Variants in TBC1D31 observed in about 807,000 individuals in gnomAD.
TBC1D31 encodes the protein WD repeat domain 67.
In TBC1D31, 99 loss-of-function variants were observed where a neutral mutation model predicts 132.9. The ratio of observed to expected loss-of-function variants is 0.74; its 90% CI spans 0.63 to 0.88. The LOEUF (loss-of-function observed/expected upper bound fraction) is 0.88, where lower values mean the gene tolerates loss of function less well. TBC1D31 is among the 40% of genes least tolerant of loss of function. The pLI is 0.00. For missense variants in TBC1D31, 1,134 were observed against 1,256.6 expected, an observed-to-expected ratio of 0.90 and a Z score of 1.48; for synonymous variants, 385 against 419.4, an observed-to-expected ratio of 0.92 and a Z score of 1.00.
rs972287905 is a variant in TBC1D31 at position 123,152,033 on chromosome 8, T to G, written c.*94T>G. 3.3e-6 allele frequency: 4 copies of G among 1,223,908 alleles called. No homozygotes were observed. The African/African-American group carries it at 6.3e-5, about 19-fold the overall frequency. The allele number at this position is 1,223,908 out of a possible 1,614,324, so 75.8% of individuals were successfully genotyped here. A position where few individuals can be genotyped will look rare whatever the true frequency, so the allele number is the denominator to read the frequency against. On this transcript the variant is annotated 3_prime_UTR_variant, in exon 22 of 22. Transcript: ENST00000287380. The stretch of plus-strand genomic sequence containing the variant: ...TATTTATTTAAAATTCCTATAAAGA[T>G]CAGCCCTTTGTACAGAAAAATGTGT...
chr8:123,144,844 C>T lies in TBC1D31; in HGVS notation c.2963C>T (p.Pro988Leu), dbSNP rs371596549. The change falls in exon 20 of 22, where the codon CCA (proline) becomes CTA (leucine). Residue 988 changes from proline (P) to leucine (L), a missense_variant. By Grantham distance (98) the Pro-to-Leu change is moderately conservative (BLOSUM62 -3). Coordinates refer to ENST00000287380, the MANE Select transcript of TBC1D31 (RefSeq NM_145647.4). ...GCGGCTGTAGAACATGCTGAAAATC[C>T]ATGTCATAAAGGTGAGTGTCTGAGA... ...INAAVEHAEN[P>L]CHKEEPRFQN... 5.0e-6 allele frequency: 8 copies of T among 1,612,116 alleles called. No homozygotes were observed. Among genetic ancestry groups the T allele is most frequent in the Non-Finnish European group, 6.8e-6 (8 of 1,179,546 alleles).
At chr8:123,081,631 A>T (rs959543100) in intron 2 of TBC1D31, among the ~76,000 whole-genome samples, 7 of 152,234 alleles carry the variant, frequency 4.6e-5, no homozygotes, top group Non-Finnish European at 5.9e-5. Flanking sequence ...GACATACCCG[A>T]GACTGGGTAA....
intron 5 of TBC1D31, among the ~76,000 whole-genome samples, chr8:123,095,728 G>A (rs1180140550): frequency 6.6e-6 from 1 of 152,158 alleles, no homozygotes; most frequent in Non-Finnish European, 1.5e-5. Flanking sequence ...ATGACAAGAT[G>A]TTCCAAGCTT....
At chr8:123,130,638 T>C (rs13264746) in intron 16 of TBC1D31, among the ~76,000 whole-genome samples, 1 of 151,188 alleles carries the variant, frequency 6.6e-6, no homozygotes, top group Non-Finnish European at 1.5e-5. Flanking sequence ...TTTTTTTTTT[T>C]TGAGACAGAG....
rs759596754 is a variant in TBC1D31, at chr8:123,130,331, A to C, written c.2404A>C (p.Lys802Gln). ...AAGACTGGATGATGAAATTGGGAGA[A>C]AGGTTTATTATTCTTAACTTAGTTC... ...LRRLDDEIGR[K>Q]VYMRDREIAA... The change falls in exon 16 of 22, where the codon AAG (lysine) becomes CAG (glutamine). Residue 802 changes from lysine (K) to glutamine (Q), a missense_variant and splice_region_variant. By Grantham distance (53) the Lys-to-Gln change is moderately conservative. Coordinates refer to ENST00000287380, the MANE Select transcript of TBC1D31 (RefSeq NM_145647.4). 1 of 1,609,738 alleles carries C rather than the reference A, an allele frequency of 6.2e-7. No homozygotes were observed. Among genetic ancestry groups the C allele is most frequent in the Non-Finnish European group, 8.5e-7 (1 of 1,177,980 alleles).
At chr8:123,162,450 G>A in the TBC1D31 span, among the ~76,000 whole-genome samples, 2 of 152,084 alleles carry the variant, frequency 1.3e-5, no homozygotes, top group African/African-American at 4.8e-5. Flanking sequence ...AGCACACCCA[G>A]GCAACCATCC....
At chr8:123,164,729 A>AG in the TBC1D31 span, among the ~76,000 whole-genome samples, 3 of 151,020 alleles carry the variant, frequency 2.0e-5, no homozygotes, top group Non-Finnish European at 4.4e-5. Context: ...CTCAAAAAAA[A>AG]AAAAGAATAA....
intron 10 of TBC1D31, among the ~76,000 whole-genome samples, chr8:123,116,673 C>A (rs543680396): frequency 9.2e-5 from 14 of 151,904 alleles, no homozygotes; most frequent in Non-Finnish European, 1.9e-4. Flanking sequence ...GGGGAAAATA[C>A]AAGATGAACC....
rs989293050 is a variant in TBC1D31, at chr8:123,099,295, ATT to A, written c.832-1507_832-1506del. 4.5e-3 allele frequency among the ~76,000 whole-genome samples: 689 copies of A among 151,450 alleles called. 5 individuals carry two copies. The highest frequency in any genetic ancestry group is 0.016 in the African/African-American group (642 of 41,250). On this transcript the variant is annotated intron_variant, in intron 6 of 21. Transcript: ENST00000287380. ...CCACCACGCCCGGCTAATTTTTTGT[ATT>A]TTTTAGTAGAGACGGGGTTTCACCG...
At chr8:123,089,846 T>C (rs1294869742) in intron 4 of TBC1D31, among the ~76,000 whole-genome samples, 1 of 152,254 alleles carries the variant, frequency 6.6e-6, no homozygotes, top group African/African-American at 2.4e-5. Context: ...AAATCTGAAC[T>C]GAATTGACAT....
intron 4 of TBC1D31, among the ~76,000 whole-genome samples, chr8:123,092,051 G>A (rs953438122): frequency 3.9e-5 from 6 of 152,250 alleles, no homozygotes; most frequent in Admixed American, 6.5e-5. Flanking sequence ...TTTCACTCTT[G>A]TTGCCCAGGC....
intron 16 of TBC1D31, among the ~76,000 whole-genome samples, chr8:123,132,697 T>A (rs1820748194): frequency 6.6e-6 from 1 of 152,022 alleles, no homozygotes; most frequent in Non-Finnish European, 1.5e-5. Context: ...TACAGGCACC[T>A]GGCCTAAGTC....
chr8:123,152,465 C>T (rs938822913), downstream of TBC1D31, among the ~76,000 whole-genome samples: 3 of 152,134 alleles, frequency 2.0e-5, no homozygotes, highest in South Asian at 2.1e-4. Context: ...CTGGCAGCAC[C>T]GACTGCTCTT....
chr8:123,127,018 C>T (rs1250355791), intron 13 of TBC1D31, among the ~76,000 whole-genome samples: 5 of 152,040 alleles, frequency 3.3e-5, no homozygotes, highest in Admixed American at 6.6e-5. Context: ...GGATTATAGG[C>T]GTGAGCCACA....
In TBC1D31 at chr8:123,109,211, T is replaced by C. The variant is rs191573768; in HGVS notation, c.1210-106T>C. ...TATGATACACAAATATGTCTTACTA[T>C]GTGTTGTTTTCTAAAGTTGGGAAGT... On this transcript the variant is annotated intron_variant, in intron 8 of 21. Coordinates refer to ENST00000287380, the MANE Select transcript of TBC1D31 (RefSeq NM_145647.4). 2.3e-4 allele frequency: 170 copies of C among 738,922 alleles called. No homozygotes were observed. In the East Asian group the frequency reaches 4.2e-3, roughly 18 times the overall value. 45.8% of individuals were successfully genotyped at this position (738,922 alleles called of 1,614,324 possible). A position where few individuals can be genotyped will look rare whatever the true frequency, so the allele number is the denominator to read the frequency against.
intron 8 of TBC1D31, among the ~76,000 whole-genome samples, chr8:123,105,903 C>T (rs1172784224): frequency 1.3e-5 from 2 of 152,160 alleles, no homozygotes; most frequent in Non-Finnish European, 2.9e-5. Context: ...TTACCATCAG[C>T]TTATTGCTCC....
downstream of TBC1D31, among the ~76,000 whole-genome samples, chr8:123,157,033 G>A: frequency 6.6e-6 from 1 of 152,234 alleles, no homozygotes. Context: ...GACTGCTCCA[G>A]GCCCTTACAC....
At chr8:123,140,627 G>A (rs1821558052) in intron 17 of TBC1D31, 134 bp from the exon 18 acceptor site, 1 of 741,638 alleles carries the variant, frequency 1.3e-6, no homozygotes, top group Admixed American at 3.1e-5. Context: ...GATGTCTCCA[G>A]TCGTTGAATT....
chr8:123,108,260 A>T (rs1357196504), intron 8 of TBC1D31, among the ~76,000 whole-genome samples: 1 of 152,236 alleles, frequency 6.6e-6, no homozygotes, highest in East Asian at 1.9e-4. Context: ...AAAGGAAGAC[A>T]TTTCATCTGT....
Sources: allele counts gnomAD v4.1 joint callset (sites outside exome capture counted in the v4.1 genomes callset), GRCh38; gene constraint gnomAD v4.1.1; transcripts MANE v1.5; gene names NCBI Gene and HGNC (gene_info 2026-07-23, HGNC 2026-07-21).